Variants in ZNF25 observed in about 807,000 individuals in gnomAD.
ZNF25 encodes the protein zinc finger protein 25 (KOX 19).
A neutral mutation model predicts 30.9 loss-of-function variants in ZNF25; 21 were observed. The ratio of observed to expected loss-of-function variants is 0.68; its 90% CI spans 0.48 to 0.98. ZNF25 has a LOEUF of 0.98. Among genes scored for constraint, ZNF25 ranks in the 50% least tolerant of loss-of-function variants. ZNF25 has a pLI of 0.00. For missense variants in ZNF25, 501 were observed against 529.9 expected (o/e 0.95, Z 0.54); for synonymous variants, 169 against 181.3 (o/e 0.93, Z 0.55).
intron 1 of ZNF25, among the ~76,000 whole-genome samples, chr10:37,973,555 G>T (rs1015564543): frequency 6.8e-6 from 1 of 147,532 alleles, no homozygotes; most frequent in South Asian, 2.1e-4. Flanking sequence ...GGAGACAGAG[G>T]TTGCAGTGAG....
intron 1 of ZNF25, among the ~76,000 whole-genome samples, chr10:37,972,835 G>A (rs1001722454): frequency 6.6e-6 from 1 of 152,068 alleles, no homozygotes; most frequent in African/African-American, 2.4e-5. Flanking sequence ...ACTGATACAT[G>A]AACTCAGTAA....
intron 4 of ZNF25, among the ~76,000 whole-genome samples, chr10:37,955,154 A>T (rs561876287): frequency 3.5e-5 from 5 of 143,826 alleles, no homozygotes; most frequent in South Asian, 2.1e-4. Flanking sequence ...ACTCCATATA[A>T]AAAAAAAAAA....
At chr10:37,975,941 G>A (rs1162900409) in intron 1 of ZNF25, among the ~76,000 whole-genome samples, 1 of 152,096 alleles carries the variant, frequency 6.6e-6, no homozygotes, top group Non-Finnish European at 1.5e-5. Context: ...GTGGGTAAAC[G>A]GATTTCTCTC....
chr10:37,951,833 A>T lies in ZNF25; in HGVS notation c.*294T>A. ...ACTTACAGGATTTTTCTCCTGTGTG[A>T]CTTCTATGTTGCAAAACAAAAGTAT... is the stretch of plus-strand genomic sequence containing the variant. On this transcript the variant is annotated 3_prime_UTR_variant, in exon 6 of 6. Coordinates refer to ENST00000302609, the MANE Select transcript of ZNF25 (RefSeq NM_145011.4). 3.3e-6 allele frequency: 1 copy of T among 299,668 alleles called. No individual in the cohort carries two copies. The highest frequency in any genetic ancestry group is 5.7e-5 in the East Asian group (1 of 17,420). 18.6% of individuals were successfully genotyped at this position (299,668 alleles called of 1,614,324 possible). A position where few individuals can be genotyped will look rare whatever the true frequency, so the allele number is the denominator to read the frequency against.
Position 37,952,343 on chromosome 10 carries a change from G to A in ZNF25, c.1155C>T (p.Leu385=), listed in dbSNP as rs1323615477. The change falls in exon 6 of 6, where the codon CTC becomes CTT. Residue 385 remains leucine (L), a synonymous_variant. Coordinates refer to ENST00000302609, the MANE Select transcript of ZNF25 (RefSeq NM_145011.4). The part of the protein sequence containing the change: ...CGKSFAVNSV[L]RLHQRTHTGE... ...CTGTGTGAGTCCTTTGATGTAATCT[G>A]AGGACTGAATTCACAGCAAAAGATT... is the stretch of plus-strand genomic sequence containing the variant. 7 of 1,613,872 alleles carry A rather than the reference G, an allele frequency of 4.3e-6. No homozygotes were observed. The highest frequency in any genetic ancestry group is 1.1e-5 in the South Asian group (1 of 91,056).
At chr10:37,956,934 A>AAT in intron 4 of ZNF25, 86 bp downstream of exon 4, 1 of 947,850 alleles carries the variant, frequency 1.1e-6, no homozygotes, top group Non-Finnish European at 1.6e-6. Flanking sequence ...AAAAAAAAAA[A>AAT]GTGAGAGATT....
At position 37,953,619 on chromosome 10, in the gene ZNF25, C is replaced by A. The variant is rs543232200; in HGVS notation, c.302+76G>T. On this transcript the variant is annotated intron_variant, in intron 5 of 5. Transcript: ENST00000302609. The stretch of plus-strand genomic sequence containing the variant: ...TTCTCACGTTTAGTATTAACTAGTG[C>A]CCTCCCATTTCTAGTAACTCCTTTA... 1.5e-5 allele frequency: 20 copies of A among 1,336,400 alleles called. No homozygotes were observed. In the African/African-American group the frequency reaches 2.6e-4, roughly 17 times the overall value. The allele number at this position is 1,336,400 out of a possible 1,614,324, so 82.8% of individuals were successfully genotyped here. A position where few individuals can be genotyped will look rare whatever the true frequency, so the allele number is the denominator to read the frequency against.
chr10:37,952,005 G>A lies in ZNF25; in HGVS notation c.*122C>T, dbSNP rs1410144068. 4 of 835,978 alleles carry A rather than the reference G, an allele frequency of 4.8e-6. No individual in the cohort carries two copies. Among genetic ancestry groups the A allele is most frequent in the Non-Finnish European group, 7.2e-6 (4 of 552,662 alleles). 51.8% of individuals were successfully genotyped at this position (835,978 alleles called of 1,614,324 possible). A position where few individuals can be genotyped will look rare whatever the true frequency, so the allele number is the denominator to read the frequency against. ...CTCTATGTATTTGCTGATACACAGA[G>A]AGAGCAAAGATTGTAGCTGAAAATT... On this transcript the variant is annotated 3_prime_UTR_variant, in exon 6 of 6. Transcript: ENST00000302609.
intron 2 of ZNF25, among the ~76,000 whole-genome samples, chr10:37,964,284 G>A (rs906445929): frequency 2.0e-5 from 3 of 152,172 alleles, no homozygotes; most frequent in Non-Finnish European, 4.4e-5. Context: ...AAAGATACCT[G>A]AAAATATAGA....
chr10:37,961,058 C>T (rs1486794265), intron 2 of ZNF25, among the ~76,000 whole-genome samples: 1 of 152,058 alleles, frequency 6.6e-6, no homozygotes, highest in African/African-American at 2.4e-5. Context: ...AAAGACTCCT[C>T]ACTTAAAAAA....
chr10:37,954,944 A>G (rs1455553791), intron 4 of ZNF25, among the ~76,000 whole-genome samples: 2 of 152,138 alleles, frequency 1.3e-5, no homozygotes, highest in Non-Finnish European at 2.9e-5. Context: ...ACCTGAGGTC[A>G]GGAGTTCGAG....
In ZNF25 at chr10:37,952,598, G is replaced by C. The variant is rs1263279712; in HGVS notation, c.900C>G (p.His300Gln). The stretch of plus-strand genomic sequence containing the variant: ...TGTGACTTCTCTGATGAGTTTTGAG[G>C]TGTGAATTCCTAGAGAAGAATTTCC... ...ECGKFFSRNS[H>Q]LKTHQRSHTG... Residue 300 changes from histidine (H) to glutamine (Q), a missense_variant, in exon 6 of 6, where the codon CAC (histidine) becomes CAG (glutamine). Transcript: ENST00000302609. 1 of 1,612,734 alleles carries C rather than the reference G, an allele frequency of 6.2e-7. No homozygotes were observed. Among genetic ancestry groups the C allele is most frequent in the Admixed American group, 1.7e-5 (1 of 59,888 alleles).
chr10:37,951,147 C>G lies in ZNF25; in HGVS notation c.*980G>C, dbSNP rs1353488934. 6.6e-6 allele frequency: 1 copy of G among 151,952 alleles called. No homozygotes were observed. Among genetic ancestry groups the G allele is most frequent in the Non-Finnish European group, 1.5e-5 (1 of 67,974 alleles). 9.4% of individuals were successfully genotyped at this position (151,952 alleles called of 1,614,324 possible). A position where few individuals can be genotyped will look rare whatever the true frequency, so the allele number is the denominator to read the frequency against. ...ACCACTGTCTATATCCATTTACAAA[C>G]ACAAAAAAGGATAAAAAGATGCCTT... On this transcript the variant is annotated 3_prime_UTR_variant, in exon 6 of 6. Coordinates refer to ENST00000302609, the MANE Select transcript of ZNF25 (RefSeq NM_145011.4).
At chr10:37,959,613 T>A (rs1331171065) in intron 2 of ZNF25, among the ~76,000 whole-genome samples, 1 of 152,156 alleles carries the variant, frequency 6.6e-6, no homozygotes, top group Non-Finnish European at 1.5e-5. Context: ...TCATTTTTTT[T>A]TTCTTTTTTC....
chr10:37,959,186 T>G (rs1237506049), intron 2 of ZNF25, among the ~76,000 whole-genome samples: 1 of 151,920 alleles, frequency 6.6e-6, no homozygotes, highest in African/African-American at 2.4e-5. Context: ...GATGAAAATA[T>G]AGAAACCAGG....
intron 4 of ZNF25, 103 bp downstream of exon 4, chr10:37,956,915 CAA>C (rs9299755): frequency 0.015 from 7,552 of 508,958 alleles, no homozygotes; most frequent in Middle Eastern, 0.017. Context: ...AACTCTGTTT[CAA>C]AAAAAAAAAA....
chr10:37,976,219 G>A (rs2135481148), intron 1 of ZNF25, among the ~76,000 whole-genome samples: 1 of 152,342 alleles, frequency 6.6e-6, no homozygotes, highest in East Asian at 1.9e-4. Flanking sequence ...TTGGAGCGCC[G>A]CGTCTGCAGC....
chr10:37,972,683 T>C (rs2063555900), intron 1 of ZNF25, among the ~76,000 whole-genome samples: 1 of 152,194 alleles, frequency 6.6e-6, no homozygotes. Context: ...AACTACGTCA[T>C]AATCCTAAGG....
At chr10:37,972,914 T>A (rs922049301) in intron 1 of ZNF25, among the ~76,000 whole-genome samples, 1 of 152,124 alleles carries the variant, frequency 6.6e-6, no homozygotes, top group African/African-American at 2.4e-5. Flanking sequence ...ACGCCTGTAA[T>A]CCCAGCATTT....
Sources: allele counts gnomAD v4.1 joint callset (sites outside exome capture counted in the v4.1 genomes callset), GRCh38; gene constraint gnomAD v4.1.1; transcripts MANE v1.5; gene names NCBI Gene and HGNC (gene_info 2026-07-23, HGNC 2026-07-21).